The following PRICKLE2 variants were observed in gnomAD, a reference collection of about 807,000 sequenced individuals.
PRICKLE2 encodes prickle-like protein 2.
PRICKLE2 carries 21 observed loss-of-function variants against 81.4 expected under a neutral mutation model. That is an observed-to-expected ratio of 0.26 (90% CI 0.18 to 0.37). The LOEUF (loss-of-function observed/expected upper bound fraction) is 0.37, where lower values mean the gene tolerates loss of function less well. Among genes scored for constraint, PRICKLE2 ranks in the 10% least tolerant of loss-of-function variants. The pLI is 1.00. For synonymous variants in PRICKLE2, 456 were observed against 421.5 expected, an observed-to-expected ratio of 1.08 and a Z score of -1.00; for missense variants, 940 against 1,109.0, an observed-to-expected ratio of 0.85 and a Z score of 2.16.
At chr3:64,124,507 G>A (rs1396573474) in intron 7 of PRICKLE2, among the ~76,000 whole-genome samples, 1 of 152,168 alleles carries the variant, frequency 6.6e-6, no homozygotes, top group African/African-American at 2.4e-5. Context: ...AGAACTCAAT[G>A]CCTGACCTCA....
chr3:64,104,542 C>T (rs763759605), intron 7 of PRICKLE2: 4 of 152,192 alleles, frequency 2.6e-5, no homozygotes, highest in African/African-American at 4.8e-5. Context: ...TTCCTATTTC[C>T]GTGAGGAGGT....
At chr3:64,178,861 T>C (rs1352120925) in intron 2 of PRICKLE2, among the ~76,000 whole-genome samples, 2 of 152,206 alleles carry the variant, frequency 1.3e-5, no homozygotes, top group Admixed American at 6.5e-5. Context: ...ACTTAATATG[T>C]ATTGTTGATT....
intron 1 of PRICKLE2, among the ~76,000 whole-genome samples, chr3:64,216,026 A>G (rs888405): frequency 0.66 from 100,075 of 152,180 alleles, 35,867 homozygotes; most frequent in Non-Finnish European, 0.8. Flanking sequence ...ACTCATCTAC[A>G]GAATGGAAGA....
At chr3:64,217,450 C>T (rs887460344) in intron 1 of PRICKLE2, among the ~76,000 whole-genome samples, 1 of 152,114 alleles carries the variant, frequency 6.6e-6, no homozygotes, top group African/African-American at 2.4e-5. Flanking sequence ...ACATTGTACC[C>T]ATTAAGTAAT....
At chr3:64,248,699 C>T (rs890547879) in intron 2 of PRICKLE2, among the ~76,000 whole-genome samples, 2 of 151,910 alleles carry the variant, frequency 1.3e-5, no homozygotes, top group Non-Finnish European at 2.9e-5. Flanking sequence ...CCTCCCCATC[C>T]CATTCCATAC....
intron 2 of PRICKLE2, among the ~76,000 whole-genome samples, chr3:64,230,870 A>C (rs961910291): frequency 6.6e-6 from 1 of 152,196 alleles, no homozygotes; most frequent in African/African-American, 2.4e-5. Flanking sequence ...ATTATTCTCC[A>C]CTTGGTTTCC....
At chr3:64,199,353 T>G in intron 1 of PRICKLE2, 1 of 263,134 alleles carries the variant, frequency 3.8e-6, no homozygotes, top group East Asian at 8.2e-5. Context: ...ATAATACATA[T>G]GTTGACCTGA....
chr3:64,127,006 G>C (rs2077119156), intron 7 of PRICKLE2, among the ~76,000 whole-genome samples: 1 of 152,186 alleles, frequency 6.6e-6, no homozygotes, highest in Admixed American at 6.5e-5. Flanking sequence ...TATGCATCAG[G>C]CAGTGCTCCA....
chr3:64,236,704 A>G (rs965750240), intron 2 of PRICKLE2, among the ~76,000 whole-genome samples: 2 of 152,202 alleles, frequency 1.3e-5, no homozygotes, highest in Non-Finnish European at 2.9e-5. Context: ...TAGAATTAAG[A>G]GTCTGTGTTT....
At chr3:64,105,437 G>A (rs141122216) in intron 7 of PRICKLE2, among the ~76,000 whole-genome samples, 5 of 152,222 alleles carry the variant, frequency 3.3e-5, no homozygotes, top group African/African-American at 1.2e-4. Context: ...TGGAATAAAC[G>A]TAAATGGATT....
intron 7 of PRICKLE2, among the ~76,000 whole-genome samples, chr3:64,128,321 C>G (rs2077143000): frequency 6.6e-6 from 1 of 152,188 alleles, no homozygotes; most frequent in Non-Finnish European, 1.5e-5. Flanking sequence ...ACAGATTCAA[C>G]TTTAGCTGTT....
At chr3:64,248,666 C>G (rs221987) in intron 2 of PRICKLE2, among the ~76,000 whole-genome samples, 2 of 147,300 alleles carry the variant, frequency 1.4e-5, no homozygotes, top group Non-Finnish European at 3.0e-5. Flanking sequence ...CCAAAAAAAA[C>G]AAAACAAAAA....
rs897007058 is a variant in PRICKLE2, at chr3:64,106,755, G to A, written c.1661-6830C>T. Among the ~76,000 whole-genome samples, 7 of 152,196 alleles carry A rather than the reference G, an allele frequency of 4.6e-5. No homozygotes were observed. The East Asian group carries it at 1.3e-3, about 29-fold the overall frequency. ...TTTCTTTTCTTGTTGTTTAAGCCAT[G>A]GGGTGTGTGTGTGTCTGTGTGTGCG... On this transcript the variant is annotated intron_variant, in intron 7 of 7. Transcript: ENST00000638394.
chr3:64,264,994 T>C (rs929974689), intron 2 of PRICKLE2, among the ~76,000 whole-genome samples: 1 of 152,180 alleles, frequency 6.6e-6, no homozygotes, highest in Non-Finnish European at 1.5e-5. Flanking sequence ...TTCCCAGACA[T>C]TGAGTCCCAC....
chr3:64,184,039 G>C (rs1376870378), intron 2 of PRICKLE2, among the ~76,000 whole-genome samples: 1 of 152,128 alleles, frequency 6.6e-6, no homozygotes, highest in Non-Finnish European at 1.5e-5. Context: ...AAGAATTTCT[G>C]TTCTGTCTTG....
chr3:64,226,212 A>AT (rs2079029697), upstream of PRICKLE2, among the ~76,000 whole-genome samples: 1 of 152,238 alleles, frequency 6.6e-6, no homozygotes, highest in Non-Finnish European at 1.5e-5. Context: ...AAGTCACACC[A>AT]GGATTTCAGC....
At chr3:64,257,324 G>A (rs147761213) in intron 2 of PRICKLE2, among the ~76,000 whole-genome samples, 294 of 152,286 alleles carry the variant, frequency 1.9e-3, no homozygotes, top group African/African-American at 6.8e-3. Context: ...ACCCTCAGTT[G>A]GACATGCTCT....
At chr3:64,120,516 T>C (rs1429309407) in intron 7 of PRICKLE2, among the ~76,000 whole-genome samples, 5 of 152,136 alleles carry the variant, frequency 3.3e-5, no homozygotes, top group Non-Finnish European at 7.4e-5. Context: ...CTCCAGACTC[T>C]AAGGCAACCT....
chr3:64,246,865 C>A (rs1183043455), intron 2 of PRICKLE2, among the ~76,000 whole-genome samples: 1 of 152,178 alleles, frequency 6.6e-6, no homozygotes, highest in East Asian at 1.9e-4. Context: ...TCATAAAGTT[C>A]TCTGGTTCCC....
Sources: gnomAD v4.1 joint callset for allele counts (sites outside exome capture counted in the v4.1 genomes callset) on GRCh38, gnomAD v4.1.1 for gene constraint, MANE v1.5 for transcripts, NCBI Gene and HGNC (gene_info 2026-07-23, HGNC 2026-07-21) for gene names.